The following SPAG16 variants were observed in gnomAD, a reference collection of about 807,000 sequenced individuals.
SPAG16 encodes sperm associated antigen 16.
In SPAG16, 86 loss-of-function variants were observed where a neutral mutation model predicts 80.4. The observed-to-expected ratio is 1.07, with a 90% confidence interval of 0.90 to 1.28. The LOEUF (loss-of-function observed/expected upper bound fraction) is 1.28, where lower values mean the gene tolerates loss of function less well. SPAG16 is among the 50% of genes most tolerant of loss of function. The pLI is 0.00. For missense variants in SPAG16, 870 were observed against 765.3 expected, an observed-to-expected ratio of 1.14 and a Z score of -1.61; for synonymous variants, 294 against 265.9, an observed-to-expected ratio of 1.11 and a Z score of -1.03.
At chr2:213,361,018 A>G (rs985396796) in intron 7 of SPAG16, among the ~76,000 whole-genome samples, 1 of 152,122 alleles carries the variant, frequency 6.6e-6, no homozygotes, top group Non-Finnish European at 1.5e-5. Flanking sequence ...TATACCTTGC[A>G]TAAAGAAGGA....
chr2:214,177,971 G>GTGTGTATATGTATATATATATA (rs1397087073), intron 15 of SPAG16, among the ~76,000 whole-genome samples: 1 of 59,362 alleles, frequency 1.7e-5, no homozygotes, highest in African/African-American at 6.2e-5. Flanking sequence ...CAAAGTGTAT[G>GTGTGTATATGTATATATATATA]TATATATATA....
intron 10 of SPAG16, among the ~76,000 whole-genome samples, chr2:213,734,230 G>A (rs2067188281): frequency 6.6e-6 from 1 of 152,110 alleles, no homozygotes; most frequent in African/African-American, 2.4e-5. Flanking sequence ...CCATGAGCAG[G>A]ACCCAGCAAG....
At chr2:214,172,345 G>A (rs1175229903) in intron 15 of SPAG16, among the ~76,000 whole-genome samples, 1 of 152,016 alleles carries the variant, frequency 6.6e-6, no homozygotes, top group Admixed American at 6.6e-5. Flanking sequence ...AACATGCGGT[G>A]TTTGGTTTTT....
intron 15 of SPAG16, among the ~76,000 whole-genome samples, chr2:214,197,654 ACTT>A (rs1292670921): frequency 2.0e-5 from 3 of 151,962 alleles, no homozygotes; most frequent in Non-Finnish European, 2.9e-5. Context: ...ACTCTATACA[ACTT>A]CTTTTAGAGG....
intron 10 of SPAG16, among the ~76,000 whole-genome samples, chr2:213,578,808 C>A (rs1027148038): frequency 6.6e-6 from 1 of 151,860 alleles, no homozygotes; most frequent in Non-Finnish European, 1.5e-5. Flanking sequence ...ATTAAGGTAA[C>A]AAATATCAGC....
chr2:213,415,201 G>A (rs1315939205), intron 9 of SPAG16, among the ~76,000 whole-genome samples: 1 of 152,218 alleles, frequency 6.6e-6, no homozygotes, highest in Non-Finnish European at 1.5e-5. Flanking sequence ...AGGAGAGGCT[G>A]TGCCAGCACA....
chr2:213,627,968 G>A (rs1183607715), intron 10 of SPAG16, among the ~76,000 whole-genome samples: 3 of 152,160 alleles, frequency 2.0e-5, no homozygotes, highest in African/African-American at 7.2e-5. Flanking sequence ...ATATAGAAAT[G>A]TCACTATTGA....
chr2:213,928,919 A>G (rs1278046913), intron 11 of SPAG16, among the ~76,000 whole-genome samples: 1 of 150,220 alleles, frequency 6.7e-6, no homozygotes, highest in Non-Finnish European at 1.5e-5. Flanking sequence ...ACACACACAC[A>G]CACACACACA....
At chr2:214,029,640 G>T (rs1336961673) in intron 13 of SPAG16, among the ~76,000 whole-genome samples, 2 of 151,926 alleles carry the variant, frequency 1.3e-5, no homozygotes. Context: ...GAGAAGAGAA[G>T]ATGATCAGGG....
intron 15 of SPAG16, among the ~76,000 whole-genome samples, chr2:214,212,148 C>G (rs1210318730): frequency 6.6e-6 from 1 of 152,138 alleles, no homozygotes; most frequent in Non-Finnish European, 1.5e-5. Flanking sequence ...TGTGGCCTGA[C>G]AAGACATACT....
At chr2:213,284,770 C>G in intron 1 of SPAG16, 151 bp downstream of exon 1, 1 of 1,140,478 alleles carries the variant, frequency 8.8e-7, no homozygotes, top group Non-Finnish European at 1.2e-6. Context: ...TTTGCCACCA[C>G]AGTCTTCCTG....
At chr2:214,292,832 T>C (rs1336226458) in intron 15 of SPAG16, among the ~76,000 whole-genome samples, 1 of 152,214 alleles carries the variant, frequency 6.6e-6, no homozygotes, top group South Asian at 2.1e-4. Context: ...AAGATTTATA[T>C]ATGTTGTTGG....
At chr2:213,787,145 G>A (rs1230217956) in intron 10 of SPAG16, among the ~76,000 whole-genome samples, 2 of 152,000 alleles carry the variant, frequency 1.3e-5, no homozygotes, top group Non-Finnish European at 2.9e-5. Context: ...TGGGTTGATA[G>A]GTGCAGCAAA....
intron 11 of SPAG16, among the ~76,000 whole-genome samples, chr2:213,889,690 C>CAT (rs1200378413): frequency 2.0e-5 from 3 of 147,038 alleles, no homozygotes; most frequent in African/African-American, 2.5e-5. Context: ...TATACATATA[C>CAT]ATATATATAC....
intron 9 of SPAG16, among the ~76,000 whole-genome samples, chr2:213,439,549 A>C (rs1337892554): frequency 6.6e-6 from 1 of 152,182 alleles, no homozygotes; most frequent in South Asian, 2.1e-4. Context: ...ACCTGGATGA[A>C]AGGAAATTTC....
chr2:214,291,788 G>A (rs1693822976), intron 15 of SPAG16, among the ~76,000 whole-genome samples: 1 of 152,096 alleles, frequency 6.6e-6, no homozygotes, highest in African/African-American at 2.4e-5. Flanking sequence ...TGGTTAGGTA[G>A]TTTTCTGTAG....
chr2:213,450,828 TATA>T (rs1391554764), intron 9 of SPAG16, among the ~76,000 whole-genome samples: 1 of 152,172 alleles, frequency 6.6e-6, no homozygotes, highest in African/African-American at 2.4e-5. Context: ...TTTCCATACA[TATA>T]ATTTTTTTCT....
intron 15 of SPAG16, among the ~76,000 whole-genome samples, chr2:214,332,865 C>T (rs989151839): frequency 3.3e-5 from 5 of 152,146 alleles, no homozygotes; most frequent in African/African-American, 1.2e-4. Context: ...AAAATGATCA[C>T]TAGATACGTC....
intron 15 of SPAG16, among the ~76,000 whole-genome samples, chr2:214,395,031 T>G (rs1248798429): frequency 6.6e-6 from 1 of 152,244 alleles, no homozygotes; most frequent in African/African-American, 2.4e-5. Flanking sequence ...TGCCTTTTCA[T>G]GGCTTGTTAG....
Sources: gnomAD v4.1 joint callset for allele counts (sites outside exome capture counted in the v4.1 genomes callset) on GRCh38, gnomAD v4.1.1 for gene constraint, MANE v1.5 for transcripts, NCBI Gene and HGNC (gene_info 2026-07-23, HGNC 2026-07-21) for gene names.